The following CHD5 variants were observed in gnomAD, a reference collection of about 807,000 sequenced individuals.
CHD5 encodes ATP-dependent chromatin remodeler CHD5.
A neutral mutation model predicts 230.3 loss-of-function variants in CHD5; 69 were observed. The ratio of observed to expected loss-of-function variants is 0.30; its 90% confidence interval spans 0.25 to 0.37. The LOEUF (loss-of-function observed/expected upper bound fraction) is 0.37, where lower values mean the gene tolerates loss of function less well. Among genes scored for constraint, CHD5 ranks in the 10% least tolerant of loss-of-function variants. CHD5 has a pLI of 1.00. For synonymous variants in CHD5, 1,064 were observed against 1,065.9 expected (o/e 1.00, Z 0.03); for missense variants, 1,827 against 2,622.8 (o/e 0.70, Z 6.63).
intron 36 of CHD5, 41 bp from the exon 37 acceptor site, chr1:6,110,567 G>A: frequency 6.2e-7 from 1 of 1,605,038 alleles, no homozygotes; most frequent in East Asian, 2.2e-5. Flanking sequence ...GCCGTTAGAA[G>A]TGGTGGGGCC....
intron 33 of CHD5, among the ~76,000 whole-genome samples, chr1:6,115,396 C>A (rs1429679165): frequency 6.6e-6 from 1 of 152,200 alleles, no homozygotes; most frequent in African/African-American, 2.4e-5. Context: ...AGGACAAACT[C>A]GACTCCCCAG....
chr1:6,106,553 A>C (rs1425382622), intron 39 of CHD5, 44 bp from the exon 40 acceptor site: 1 of 1,549,858 alleles, frequency 6.5e-7, no homozygotes, highest in East Asian at 2.4e-5. Context: ...CAGGCCCCCC[A>C]CCCAGCCTCC....
Position 6,180,028 on chromosome 1 carries a change from G to T in CHD5, c.-5C>A. On this transcript the variant is annotated 5_prime_UTR_variant, in exon 1 of 42. Coordinates refer to ENST00000262450, the MANE Select transcript of CHD5 (RefSeq NM_015557.3). ...GGTGCCCACTGGGCCCCGCATGCCC[G>T]GCGCGGGGAGGAGGGGAGGTGGGCG... 7.6e-7 allele frequency: 1 copy of T among 1,322,254 alleles called. No homozygotes were observed. Among genetic ancestry groups the T allele is most frequent in the Non-Finnish European group, 9.8e-7 (1 of 1,021,034 alleles). The allele number at this position is 1,322,254 out of a possible 1,614,324, so 81.9% of individuals were successfully genotyped here. A position where few individuals can be genotyped will look rare whatever the true frequency, so the allele number is the denominator to read the frequency against.
chr1:6,148,722 G>T, intron 9 of CHD5, 132 bp downstream of exon 9: 1 of 639,158 alleles, frequency 1.6e-6, no homozygotes, highest in South Asian at 2.7e-5. Flanking sequence ...AAGCTTTGCG[G>T]GATCGGCTAC....
chr1:6,140,332 A>G (rs1666808454), intron 15 of CHD5, among the ~76,000 whole-genome samples: 1 of 151,268 alleles, frequency 6.6e-6, no homozygotes, highest in Non-Finnish European at 1.5e-5. Context: ...CCTGGGAGGC[A>G]GAGGTTGCAG....
In CHD5 at chr1:6,103,849, G is replaced by A. The variant is rs932214679; in HGVS notation, c.*1625C>T. 6.6e-6 allele frequency: 1 copy of A among 152,200 alleles called. No individual in the cohort carries two copies. The allele number at this position is 152,200 out of a possible 1,614,324, so 9.4% of individuals were successfully genotyped here. A position where few individuals can be genotyped will look rare whatever the true frequency, so the allele number is the denominator to read the frequency against. On this transcript the variant is annotated 3_prime_UTR_variant, in exon 42 of 42. Coordinates refer to ENST00000262450, the MANE Select transcript of CHD5 (RefSeq NM_015557.3). ...TTATGAGTGAGGCATATAGGGCTTA[G>A]GGAGGGCCAGGCAATCGCTCCAGTG... is the stretch of plus-strand genomic sequence containing the variant.
intron 2 of CHD5, among the ~76,000 whole-genome samples, chr1:6,162,188 C>T (rs1327045106): frequency 6.6e-6 from 1 of 151,984 alleles, no homozygotes; most frequent in Non-Finnish European, 1.5e-5. Flanking sequence ...TCAAGACTAG[C>T]CTGACCAACT....
rs1329647020 is a variant in CHD5, at chr1:6,179,993, G to C, written c.31C>G (p.Leu11Val). 1 of 1,389,060 alleles carries C rather than the reference G, an allele frequency of 7.2e-7. No homozygotes were observed. Among genetic ancestry groups the C allele is most frequent in the Admixed American group, 2.4e-5 (1 of 40,850 alleles). The allele number at this position is 1,389,060 out of a possible 1,614,324, so 86.0% of individuals were successfully genotyped here. Reference protein sequence around the residue: MRGPVGTEEELPRLFAEEMEN... With the variant: MRGPVGTEEEVPRLFAEEMEN... Reference sequence around the variant, plus strand: ...ATCTCCTCGGCGAACAGCCGCGGCAGCTCCTCCTCGGTGCCCACTGGGCCC... The same window carrying C: ...ATCTCCTCGGCGAACAGCCGCGGCACCTCCTCCTCGGTGCCCACTGGGCCC... Residue 11 changes from leucine to valine, a missense_variant, in exon 1 of 42, where the codon CTG (leucine) becomes GTG (valine). Leu to Val is a conservative substitution (Grantham distance 32). Around this residue, in one of 14 missense-constraint regions of CHD5, gnomAD observed 113 missense variants for 91.9 expected, o/e 1.23. Coordinates refer to ENST00000262450, the MANE Select transcript of CHD5 (RefSeq NM_015557.3).
At chr1:6,144,198 C>T (rs1330157640) in intron 11 of CHD5, 43 bp from the exon 12 acceptor site, 1 of 1,611,748 alleles carries the variant, frequency 6.2e-7, no homozygotes, top group Admixed American at 1.7e-5. Flanking sequence ...GAGCAGTGGC[C>T]ACAGCACAGG....
At chr1:6,160,011 C>T (rs1667142098) in intron 2 of CHD5, among the ~76,000 whole-genome samples, 1 of 151,952 alleles carries the variant, frequency 6.6e-6, no homozygotes, top group Non-Finnish European at 1.5e-5. Flanking sequence ...AGGGCCCCAG[C>T]CAGAGAAGAA....
In CHD5 at chr1:6,106,521, G is replaced by A. The variant is rs763365332; in HGVS notation, c.5743-12C>T. ...GAGCCGAAAGCGCCCTGGAGGCAAG[G>A]ACTCAGCTTCACAGGTGGTCTCAGG... On this transcript the variant is annotated splice_polypyrimidine_tract_variant and intron_variant, in intron 39 of 41. Transcript: ENST00000262450. 1.2e-5 allele frequency: 18 copies of A among 1,551,102 alleles called. No individual in the cohort carries two copies. In the South Asian group the frequency reaches 2.1e-4, roughly 18 times the overall value.
intron 2 of CHD5, among the ~76,000 whole-genome samples, chr1:6,161,100 A>AGGAGGGAGGATGAAGGAAAGAG (rs1193632501): frequency 2.0e-5 from 3 of 152,052 alleles, no homozygotes; most frequent in Non-Finnish European, 4.4e-5. Context: ...AGCAGTGGCC[A>AGGAGGGAGGATGAAGGAAAGAG]GGAGGGAGGA....
chr1:6,146,985 A>C lies in CHD5; in HGVS notation c.1384-114T>G. 1 of 775,300 alleles carries C rather than the reference A, an allele frequency of 1.3e-6. No individual in the cohort carries two copies. The highest frequency in any genetic ancestry group is 1.8e-5 in the African/African-American group (1 of 57,006). 48.0% of individuals were successfully genotyped at this position (775,300 alleles called of 1,614,324 possible). On this transcript the variant is annotated intron_variant, in intron 9 of 41. Coordinates refer to ENST00000262450, the MANE Select transcript of CHD5 (RefSeq NM_015557.3). The surrounding 1 kb of genome is among the most constrained non-coding windows in gnomAD (Gnocchi z 5.1). Reference sequence around the variant, plus strand: ...CCTCCCATCAGTGCCACTGCCCCCAAGTCAGAACAGTACCACGGTGACGCC... The same window carrying C: ...CCTCCCATCAGTGCCACTGCCCCCACGTCAGAACAGTACCACGGTGACGCC...
At chr1:6,109,572 C>G (rs1248971470) in intron 38 of CHD5, among the ~76,000 whole-genome samples, 1 of 152,194 alleles carries the variant, frequency 6.6e-6, no homozygotes, top group African/African-American at 2.4e-5. Flanking sequence ...ACAGAGCAGG[C>G]TTGAGAAACA....
Position 6,146,923 on chromosome 1 carries a change from C to G in CHD5, c.1384-52G>C, listed in dbSNP as rs143967861. ...TGGGGCTCAGCTGCAGGGCCCCACC[C>G]TGAGGCTCCCATGACAGCAGGCTGC... On this transcript the variant is annotated intron_variant, in intron 9 of 41. Coordinates refer to ENST00000262450, the MANE Select transcript of CHD5 (RefSeq NM_015557.3). This position sits in a 1 kb window ranked among gnomAD's most constrained non-coding sequence, Gnocchi z 5.1. 1.1e-3 allele frequency: 1,491 copies of G among 1,362,746 alleles called. 8 individuals carry two copies. The highest frequency in any genetic ancestry group is 0.011 in the African/African-American group (739 of 68,174). The allele number at this position is 1,362,746 out of a possible 1,614,324, so 84.4% of individuals were successfully genotyped here. A position where few individuals can be genotyped will look rare whatever the true frequency, so the allele number is the denominator to read the frequency against.
intron 1 of CHD5, among the ~76,000 whole-genome samples, chr1:6,169,974 A>G (rs1330054594): frequency 1.3e-5 from 2 of 151,968 alleles, no homozygotes; most frequent in African/African-American, 4.8e-5. Context: ...CTCCAGTGGG[A>G]CCCCGCGGAG....
At chr1:6,147,671 G>A (rs1008747540) in intron 9 of CHD5, among the ~76,000 whole-genome samples, 29 of 152,246 alleles carry the variant, frequency 1.9e-4, no homozygotes, top group African/African-American at 5.8e-4. Context: ...ACCTGTCCTC[G>A]GAAACTCATC....
rs562219113 is a variant in CHD5, at chr1:6,130,834, G to T, written c.3263-506C>A. 6.6e-6 allele frequency among the ~76,000 whole-genome samples: 1 copy of T among 152,288 alleles called. No homozygotes were observed. The highest frequency in any genetic ancestry group is 1.9e-4 in the East Asian group (1 of 5,172). Reference sequence around the variant, plus strand: ...CCTCTCAGGGCCCTTCAGTGACCTGGGACTGACCACAGCCCCCACTGGAGC... The same window carrying T: ...CCTCTCAGGGCCCTTCAGTGACCTGTGACTGACCACAGCCCCCACTGGAGC... On this transcript the variant is annotated intron_variant, in intron 21 of 41. Coordinates refer to ENST00000262450, the MANE Select transcript of CHD5 (RefSeq NM_015557.3). The surrounding 1 kb of genome is among the most constrained non-coding windows in gnomAD (Gnocchi z 4.9).
Position 6,134,926 on chromosome 1 carries a change from G to A in CHD5, c.2871-67C>T. 6.3e-7 allele frequency: 1 copy of A among 1,593,642 alleles called. No individual in the cohort carries two copies. The highest frequency in any genetic ancestry group is 1.7e-5 in the Admixed American group (1 of 59,602). Reference sequence around the variant, plus strand: ...CCTCCATGAGGGCTCTCTCTGCTCTGCAGTGGGGCTGGAAGCTGGTGGCCA... The same window carrying A: ...CCTCCATGAGGGCTCTCTCTGCTCTACAGTGGGGCTGGAAGCTGGTGGCCA... On this transcript the variant is annotated intron_variant, in intron 18 of 41. Coordinates refer to ENST00000262450, the MANE Select transcript of CHD5 (RefSeq NM_015557.3). The surrounding 1 kb of genome is among the most constrained non-coding windows in gnomAD (Gnocchi z 6.3).
Sources: gnomAD v4.1 joint callset for allele counts (sites outside exome capture counted in the v4.1 genomes callset) on GRCh38, gnomAD v4.1.1 for gene constraint, gnomAD v4.1.1 regional missense constraint, Gnocchi (gnomAD v3.1) non-coding constraint, MANE v1.5 for transcripts, NCBI Gene and HGNC (gene_info 2026-07-23, HGNC 2026-07-21) for gene names.